LATS2: variants seen among roughly 807,000 people sequenced by gnomAD.
LATS2 encodes large tumor suppressor kinase 2, also known as serine/threonine-protein kinase LATS2.
In LATS2, 24 loss-of-function variants were observed where a neutral mutation model predicts 76.0. The ratio of observed to expected loss-of-function variants is 0.32; its 90% CI spans 0.23 to 0.44. The LOEUF is 0.44. Among genes scored for constraint, LATS2 ranks in the 20% least tolerant of loss-of-function variants. LATS2 has a pLI of 1.00. For synonymous variants in LATS2, 692 were observed against 635.4 expected, an observed-to-expected ratio of 1.09 and a Z score of -1.34; for missense variants, 1,286 against 1,481.2, an observed-to-expected ratio of 0.87 and a Z score of 2.16.
rs11423103 is a variant in LATS2 at position 21,004,434 on chromosome 13, C to CAA, written c.343-13032_343-13031dup. Reference sequence around the variant, plus strand: ...GGGCAACAAGAGCGAAACACTGTCTCAAAAAAAAAAAAAAAAGCTTCTGTA... The same window carrying CAA: ...GGGCAACAAGAGCGAAACACTGTCTCAAAAAAAAAAAAAAAAAAGCTTCTGTA... On this transcript the variant is annotated intron_variant, in intron 2 of 7. Transcript: ENST00000382592. 3.2e-3 allele frequency among the ~76,000 whole-genome samples: 345 copies of CAA among 108,376 alleles called. 2 individuals are homozygous for CAA. The highest frequency in any genetic ancestry group is 6.8e-3 in the African/African-American group (213 of 31,312). 71.1% of individuals were successfully genotyped at this position (108,376 alleles called of 152,430 possible).
chr13:20,999,479 CT>C (rs570863849), intron 2 of LATS2, among the ~76,000 whole-genome samples: 1 of 151,370 alleles, frequency 6.6e-6, no homozygotes, highest in Non-Finnish European at 1.5e-5. Flanking sequence ...TTTTCTTTTT[CT>C]TTTTTTTTGA....
At chr13:20,977,295 T>C (rs1869665338) in intron 7 of LATS2, among the ~76,000 whole-genome samples, 1 of 150,392 alleles carries the variant, frequency 6.6e-6, no homozygotes. Context: ...CTTGGGAGGC[T>C]GAGGCATGAG....
chr13:21,003,960 T>C, intron 2 of LATS2, among the ~76,000 whole-genome samples: 1 of 152,246 alleles, frequency 6.6e-6, no homozygotes, highest in Non-Finnish European at 1.5e-5. Context: ...AAAATTACTT[T>C]TATTAATGTT....
Position 21,045,999 on chromosome 13 carries a change from T to A in LATS2, c.28A>T (p.Thr10Ser), listed in dbSNP as rs773873684. 2 of 1,613,434 alleles carry A rather than the reference T, an allele frequency of 1.2e-6. No individual in the cohort carries two copies. Among genetic ancestry groups the A allele is most frequent in the African/African-American group, 2.7e-5 (2 of 74,896 alleles). ...CGCTGCCGGCTATTTCCAGAATAAGTCGTGGCAGGAAAAGTCTTTGGCCTC... is the reference window on the plus strand; with the variant it reads ...CGCTGCCGGCTATTTCCAGAATAAGACGTGGCAGGAAAAGTCTTTGGCCTC... The part of the protein sequence containing the change: MRPKTFPAT[T>S]YSGNSRQRLQ... The change falls in exon 2 of 8, where the codon ACT (threonine) becomes TCT (serine). Residue 10 changes from threonine to serine, a missense_variant. Transcript: ENST00000382592.
Position 21,053,719 on chromosome 13 carries a change from T to C in LATS2, c.-204-7489A>G, listed in dbSNP as rs564858742. On this transcript the variant is annotated intron_variant, in intron 1 of 7. Transcript: ENST00000382592. The stretch of plus-strand genomic sequence containing the variant: ...TCACACAGAACAAAAGTCGCAGAAC[T>C]ATGGCATATTATTCAGCTATAAAAA... Among the ~76,000 whole-genome samples the C allele has an allele frequency of 2.0e-5, 3 of 152,276 alleles. No individual in the cohort carries two copies. In the East Asian group the frequency reaches 5.8e-4, roughly 29 times the overall value.
At chr13:21,051,205 A>G (rs1873263738) in intron 1 of LATS2, among the ~76,000 whole-genome samples, 1 of 152,214 alleles carries the variant, frequency 6.6e-6, no homozygotes, top group Admixed American at 6.5e-5. Context: ...AAGCCCTCTT[A>G]TATGTAGGGC....
intron 4 of LATS2, among the ~76,000 whole-genome samples, chr13:20,985,182 T>C (rs1870084667): frequency 6.6e-6 from 1 of 152,042 alleles, no homozygotes; most frequent in South Asian, 2.1e-4. Flanking sequence ...GCTATGAAAA[T>C]ATACTCCAGG....
chr13:21,050,013 G>A (rs1357587566), intron 1 of LATS2, among the ~76,000 whole-genome samples: 2 of 151,904 alleles, frequency 1.3e-5, no homozygotes, highest in Admixed American at 6.6e-5. Context: ...CCAGCTACTC[G>A]GAAGGCTGAG....
chr13:20,991,223 C>G lies in LATS2; in HGVS notation c.475+49G>C. ...CCCCTCTGCACGTGGTTTTGTTGTC[C>G]TTAAGCCACAAACCATCTTTGCCCA... On this transcript the variant is annotated intron_variant, in intron 3 of 7. Coordinates refer to ENST00000382592, the MANE Select transcript of LATS2 (RefSeq NM_014572.3). The surrounding 1 kb of genome is among the most constrained non-coding windows in gnomAD (Gnocchi z 4.9). The G allele has an allele frequency of 6.2e-7, 1 of 1,610,976 alleles. No individual in the cohort carries two copies.
rs141218230 is a variant in LATS2 at position 21,045,806 on chromosome 13, T to C, written c.221A>G (p.Gln74Arg). 1.7e-5 allele frequency: 27 copies of C among 1,614,110 alleles called. No individual in the cohort carries two copies. The highest frequency in any genetic ancestry group is 2.2e-5 in the Non-Finnish European group (26 of 1,180,040). ...MRATPKFGPY[Q>R]KALREIRYSL... The stretch of plus-strand genomic sequence containing the variant: ...ATATCTGATTTCCCTCAAGGCTTTC[T>C]GATAAGGTCCGAACTTTGGGGTGGC... Residue 74 changes from glutamine to arginine, a missense_variant, in exon 2 of 8, where the codon CAG (glutamine) becomes CGG (arginine). By Grantham distance (43) the Gln-to-Arg change is conservative. Transcript: ENST00000382592.
intron 1 of LATS2, among the ~76,000 whole-genome samples, chr13:21,054,942 T>A (rs141718010): frequency 3.1e-4 from 47 of 152,324 alleles, no homozygotes; most frequent in African/African-American, 1.1e-3. Context: ...AGTGAGGCAC[T>A]AGTCTAGGGA....
At chr13:20,993,892 A>G (rs545656743) in intron 2 of LATS2, among the ~76,000 whole-genome samples, 4 of 152,278 alleles carry the variant, frequency 2.6e-5, no homozygotes, top group African/African-American at 9.6e-5. Flanking sequence ...AAATGTGCCA[A>G]TTGGGGCTGA....
chr13:21,038,366 C>A (rs926804804), intron 2 of LATS2, among the ~76,000 whole-genome samples: 5 of 148,890 alleles, frequency 3.4e-5, no homozygotes, highest in Admixed American at 6.7e-5. Context: ...ATAATTCCAT[C>A]TTTTTTTTTT....
At chr13:21,023,027 C>A (rs1282922194) in intron 2 of LATS2, 1 of 152,358 alleles carries the variant, frequency 6.6e-6, no homozygotes, top group African/African-American at 2.4e-5. Flanking sequence ...GCCACCCTCA[C>A]CCTCTAGTCC....
intron 4 of LATS2, among the ~76,000 whole-genome samples, chr13:20,985,099 A>C (rs1197405054): frequency 1.3e-5 from 2 of 152,332 alleles, no homozygotes; most frequent in South Asian, 4.1e-4. Context: ...GAAGAATGAA[A>C]CTAGACCCCA....
chr13:21,055,633 T>C (rs1316750294), intron 1 of LATS2, among the ~76,000 whole-genome samples: 1 of 152,206 alleles, frequency 6.6e-6, no homozygotes, highest in Non-Finnish European at 1.5e-5. Context: ...TATTCTAATT[T>C]ATCCTAGTGC....
chr13:21,040,259 C>T (rs924524984), intron 2 of LATS2, among the ~76,000 whole-genome samples: 39 of 151,586 alleles, frequency 2.6e-4, no homozygotes, highest in African/African-American at 8.2e-4. Flanking sequence ...TGGTGATGTG[C>T]GCCTGTGGTC....
chr13:20,989,252 G>C lies in LATS2; in HGVS notation c.528C>G (p.Thr176=). 6.2e-7 allele frequency: 1 copy of C among 1,613,986 alleles called. No homozygotes were observed. Among genetic ancestry groups the C allele is most frequent in the Non-Finnish European group, 8.5e-7 (1 of 1,180,028 alleles). ...GGTGGTAGGACGCAAACGAATCGCC[G>C]GTTCCTTCGAAGCTGGGCCTCCGCG... ...PVTRRPSFEG[T]GDSFASYHQL... The change falls in exon 4 of 8, where the codon ACC becomes ACG. Residue 176 remains threonine, a synonymous_variant. Transcript: ENST00000382592.
At chr13:20,979,616 C>A (rs1469988123) in intron 7 of LATS2, 75 bp downstream of exon 7, 2 of 738,170 alleles carry the variant, frequency 2.7e-6, no homozygotes, top group East Asian at 5.5e-5. Flanking sequence ...AGGGCAAATG[C>A]TGACCAAAGA....
Sources: gnomAD v4.1 joint callset for allele counts (sites outside exome capture counted in the v4.1 genomes callset) on GRCh38, gnomAD v4.1.1 for gene constraint, Gnocchi (gnomAD v3.1) non-coding constraint, MANE v1.5 for transcripts, NCBI Gene and HGNC (gene_info 2026-07-23, HGNC 2026-07-21) for gene names.